The following ALK variants were observed in gnomAD, a reference collection of about 807,000 sequenced individuals.
ALK encodes the protein ALK tyrosine kinase receptor.
A neutral mutation model predicts 163.1 loss-of-function variants in ALK; 74 were observed. That is an observed-to-expected ratio of 0.45 (90% CI 0.38 to 0.55). The LOEUF (loss-of-function observed/expected upper bound fraction) is 0.55, where lower values mean the gene tolerates loss of function less well. Among genes scored for constraint, ALK ranks in the 20% least tolerant of loss-of-function variants. The probability of loss-of-function intolerance (pLI) is 0.00; values close to 1 mark genes in which losing one functional copy is unlikely to be tolerated. For missense variants in ALK, 2,063 were observed against 2,105.3 expected, an observed-to-expected ratio of 0.98 and a Z score of 0.39; for synonymous variants, 960 against 843.2, an observed-to-expected ratio of 1.14 and a Z score of -2.40.
intron 3 of ALK, among the ~76,000 whole-genome samples, chr2:29,640,522 C>G (rs1029429153): frequency 1.3e-5 from 2 of 152,202 alleles, no homozygotes; most frequent in Non-Finnish European, 2.9e-5. Flanking sequence ...AGAAGCTGAG[C>G]AGGCGCCACA....
chr2:29,468,862 A>AAG (rs1449845686), intron 4 of ALK, among the ~76,000 whole-genome samples: 2 of 150,236 alleles, frequency 1.3e-5, no homozygotes, highest in East Asian at 3.9e-4. Context: ...TCAAAAAAAA[A>AAG]AAAAAAAAAA....
At chr2:29,282,956 C>CT (rs1384800585) in intron 9 of ALK, among the ~76,000 whole-genome samples, 1 of 152,184 alleles carries the variant, frequency 6.6e-6, no homozygotes, top group Non-Finnish European at 1.5e-5. Context: ...TGGCAAGTTC[C>CT]TGTTTTTCTT....
intron 5 of ALK, among the ~76,000 whole-genome samples, chr2:29,356,965 C>T (rs1275571933): frequency 1.3e-5 from 2 of 152,240 alleles, no homozygotes; most frequent in Admixed American, 6.5e-5. Context: ...CCCCCAAGTC[C>T]CACCCTCTGG....
chr2:29,662,354 C>G (rs1013584553), intron 3 of ALK, among the ~76,000 whole-genome samples: 1 of 152,192 alleles, frequency 6.6e-6, no homozygotes, highest in African/African-American at 2.4e-5. Flanking sequence ...TTCCCAAACT[C>G]CCAGGTGCTC....
intron 5 of ALK, among the ~76,000 whole-genome samples, chr2:29,332,026 C>A (rs932496165): frequency 1.3e-5 from 2 of 152,080 alleles, no homozygotes; most frequent in Non-Finnish European, 2.9e-5. Flanking sequence ...GTAGCTCACA[C>A]CTGTAATCCC....
intron 1 of ALK, among the ~76,000 whole-genome samples, chr2:29,866,990 T>C (rs1666451491): frequency 6.6e-6 from 1 of 152,180 alleles, no homozygotes; most frequent in South Asian, 2.1e-4. Context: ...CTGAAATACA[T>C]ACACTGGTTC....
intron 4 of ALK, among the ~76,000 whole-genome samples, chr2:29,529,498 A>ACTGCT (rs1265169111): frequency 1.3e-5 from 2 of 152,154 alleles, no homozygotes; most frequent in Non-Finnish European, 2.9e-5. Flanking sequence ...TGCAAATCCA[A>ACTGCT]AGATTCTTGA....
intron 3 of ALK, among the ~76,000 whole-genome samples, chr2:29,575,094 G>A (rs1263982230): frequency 6.6e-6 from 1 of 152,108 alleles, no homozygotes; most frequent in Non-Finnish European, 1.5e-5. Context: ...AACGTTGTAT[G>A]CTGATGAACT....
At chr2:29,603,409 TCATGTGATGCTACA>T (rs1363156660) in intron 3 of ALK, among the ~76,000 whole-genome samples, 1 of 152,200 alleles carries the variant, frequency 6.6e-6, no homozygotes, top group Non-Finnish European at 1.5e-5. Context: ...CTGCTCTCTG[TCATGTGATGCTACA>T]CTAGAGTCAG....
intron 1 of ALK, among the ~76,000 whole-genome samples, chr2:29,880,579 G>C (rs1179685649): frequency 2.0e-5 from 3 of 152,170 alleles, no homozygotes; most frequent in Non-Finnish European, 4.4e-5. Context: ...TCTATGGCTA[G>C]GTATATTTGG....
At chr2:29,269,298 G>T (rs546877868) in intron 11 of ALK, among the ~76,000 whole-genome samples, 1 of 152,298 alleles carries the variant, frequency 6.6e-6, no homozygotes, top group South Asian at 2.1e-4. Context: ...GTTCCACCCT[G>T]TCACCGTCAC....
At chr2:29,776,971 G>A (rs1681193687) in intron 1 of ALK, among the ~76,000 whole-genome samples, 1 of 152,116 alleles carries the variant, frequency 6.6e-6, no homozygotes, top group African/African-American at 2.4e-5. Context: ...CCAGAAACAA[G>A]GGTTCTGACC....
At chr2:29,511,743 A>G (rs1424587760) in intron 4 of ALK, among the ~76,000 whole-genome samples, 1 of 152,216 alleles carries the variant, frequency 6.6e-6, no homozygotes, top group Non-Finnish European at 1.5e-5. Context: ...TGATTATACC[A>G]TGTTGTATTC....
Position 29,292,022 on chromosome 2 carries a change from C to G in ALK, c.1817+4866G>C, listed in dbSNP as rs187018295. Among the ~76,000 whole-genome samples the G allele has an allele frequency of 1.5e-3, 228 of 152,320 alleles. 2 individuals carry two copies. The highest frequency in any genetic ancestry group is 2.8e-3 in the Non-Finnish European group (189 of 68,030). ...TGAAGACATAACTCTCAGTTTAACCCATCTCATTTGAAAGATGCATTGGTG... is the reference window on the plus strand; with the variant it reads ...TGAAGACATAACTCTCAGTTTAACCGATCTCATTTGAAAGATGCATTGGTG... On this transcript the variant is annotated intron_variant, in intron 9 of 28. Transcript: ENST00000389048.
intron 3 of ALK, among the ~76,000 whole-genome samples, chr2:29,612,517 T>C (rs1468945256): frequency 3.9e-5 from 6 of 152,198 alleles, no homozygotes; most frequent in African/African-American, 7.2e-5. Flanking sequence ...GGTCAACTAA[T>C]GCTCAGCTAA....
At chr2:29,540,439 T>C (rs1206181525) in intron 3 of ALK, among the ~76,000 whole-genome samples, 1 of 152,140 alleles carries the variant, frequency 6.6e-6, no homozygotes, top group Non-Finnish European at 1.5e-5. Context: ...TATAAGAGCC[T>C]CTATGACCAA....
At chr2:29,292,071 A>G (rs1666040433) in intron 9 of ALK, among the ~76,000 whole-genome samples, 1 of 152,238 alleles carries the variant, frequency 6.6e-6, no homozygotes, top group East Asian at 1.9e-4. Context: ...GTCGTTTAGG[A>G]CAAAGGATTG....
At position 29,644,087 on chromosome 2, in the gene ALK, C is replaced by T. The variant is rs538665263; in HGVS notation, c.952+50763G>A. Among the ~76,000 whole-genome samples, 12 of 152,074 alleles carry T rather than the reference C, an allele frequency of 7.9e-5. No individual in the cohort carries two copies. The East Asian group carries it at 9.7e-4, about 12-fold the overall frequency. ...GCAGCCATAAAAAATGATGAGTTCA[C>T]GTCCTTTGTAGGGACATGGATGAAG... On this transcript the variant is annotated intron_variant, in intron 3 of 28. Coordinates refer to ENST00000389048, the MANE Select transcript of ALK (RefSeq NM_004304.5).
chr2:29,869,751 G>A (rs1258362067), intron 1 of ALK, among the ~76,000 whole-genome samples: 1 of 152,054 alleles, frequency 6.6e-6, no homozygotes, highest in Non-Finnish European at 1.5e-5. Context: ...TGAATTGCAT[G>A]CCAAAAAATT....
Sources: gnomAD v4.1 joint callset for allele counts (sites outside exome capture counted in the v4.1 genomes callset) on GRCh38, gnomAD v4.1.1 for gene constraint, MANE v1.5 for transcripts, NCBI Gene and HGNC (gene_info 2026-07-23, HGNC 2026-07-21) for gene names.